The following TMEM196 variants were observed in gnomAD, a reference collection of about 807,000 sequenced individuals.
TMEM196 encodes the protein transmembrane protein 196.
TMEM196 carries 17 observed loss-of-function variants against 20.0 expected under a neutral mutation model. That is an observed-to-expected ratio of 0.85 (90% CI 0.58 to 1.27). TMEM196 has a LOEUF of 1.27. TMEM196 is among the 50% of genes most tolerant of loss of function. The probability of loss-of-function intolerance (pLI) is 0.00; values close to 1 mark genes in which losing one functional copy is unlikely to be tolerated. For missense variants in TMEM196, 267 were observed against 223.0 expected, an observed-to-expected ratio of 1.20 and a Z score of -1.26; for synonymous variants, 113 against 88.9, an observed-to-expected ratio of 1.27 and a Z score of -1.52.
rs892403514 is a variant in TMEM196, at chr7:19,725,502, T to A, written c.459+12A>T. The A allele has an allele frequency of 6.3e-7, 1 of 1,599,098 alleles. No individual in the cohort carries two copies. Among genetic ancestry groups the A allele is most frequent in the Admixed American group, 1.7e-5 (1 of 59,762 alleles). ...ATGTGCTAGCAGTGAGAGGAAAAGG[T>A]ACAAAACTCACTTTCTCAGCCATTT... On this transcript the variant is annotated intron_variant, in intron 3 of 4. Coordinates refer to ENST00000405844, the MANE Select transcript of TMEM196 (RefSeq NM_001363562.2).
At chr7:19,749,104 A>T (rs559526235) in intron 1 of TMEM196, among the ~76,000 whole-genome samples, 2 of 152,334 alleles carry the variant, frequency 1.3e-5, no homozygotes, top group South Asian at 2.1e-4. Context: ...AAACTTGTAA[A>T]AAATGATAGG....
chr7:19,744,896 A>G (rs971112556), intron 1 of TMEM196, among the ~76,000 whole-genome samples: 8 of 152,216 alleles, frequency 5.3e-5, no homozygotes, highest in Admixed American at 4.6e-4. Flanking sequence ...CAAAACAAAA[A>G]AAGCCAACAA....
chr7:19,759,925 G>A (rs1402884891), intron 1 of TMEM196, among the ~76,000 whole-genome samples: 1 of 152,076 alleles, frequency 6.6e-6, no homozygotes, highest in Non-Finnish European at 1.5e-5. Context: ...GACTTCCTGT[G>A]TGACATCAAT....
intron 1 of TMEM196, among the ~76,000 whole-genome samples, chr7:19,769,635 C>G (rs1265210694): frequency 6.6e-6 from 1 of 152,120 alleles, no homozygotes; most frequent in Non-Finnish European, 1.5e-5. Flanking sequence ...ACATTACAAT[C>G]AGCCCTTTAT....
intron 1 of TMEM196, among the ~76,000 whole-genome samples, chr7:19,731,158 C>CA: frequency 6.6e-6 from 1 of 151,766 alleles, no homozygotes; most frequent in African/African-American, 2.4e-5. Flanking sequence ...CACTCAAAGG[C>CA]AAAAAATGTT....
chr7:19,732,259 A>T (rs1443429289), intron 1 of TMEM196, among the ~76,000 whole-genome samples: 5 of 152,204 alleles, frequency 3.3e-5, no homozygotes, highest in Non-Finnish European at 7.3e-5. Flanking sequence ...TTAAGACTTT[A>T]TTAAGTGTCT....
chr7:19,749,668 C>G (rs1052416300), intron 1 of TMEM196, among the ~76,000 whole-genome samples: 6 of 152,030 alleles, frequency 3.9e-5, no homozygotes, highest in African/African-American at 1.4e-4. Context: ...AGAACAAGGC[C>G]TTTTGTAAGT....
chr7:19,739,398 G>A (rs1156922394), intron 1 of TMEM196, among the ~76,000 whole-genome samples: 1 of 152,058 alleles, frequency 6.6e-6, no homozygotes, highest in Non-Finnish European at 1.5e-5. Context: ...TTATAGATTT[G>A]TACAAATGAA....
rs1256308193 is a variant in TMEM196 at position 19,720,225 on chromosome 7, A to G, written c.*1903T>C. The G allele has an allele frequency of 6.6e-6, 1 of 152,046 alleles. No individual in the cohort carries two copies. Among genetic ancestry groups the G allele is most frequent in the Non-Finnish European group, 1.5e-5 (1 of 67,904 alleles). 9.4% of individuals were successfully genotyped at this position (152,046 alleles called of 1,614,324 possible). On this transcript the variant is annotated 3_prime_UTR_variant, in exon 5 of 5. Transcript: ENST00000405844. ...ATCTACTAGGCAATGAAGTTATCCA[A>G]AGGAATTGGGAGACTTCAAAAAGTG...
chr7:19,766,897 C>T (rs866182201), intron 1 of TMEM196, among the ~76,000 whole-genome samples: 1 of 151,968 alleles, frequency 6.6e-6, no homozygotes, highest in East Asian at 1.9e-4. Flanking sequence ...TAATCTGGCT[C>T]ATAATTAAGG....
At chr7:19,764,049 C>T (rs1185915412) in intron 1 of TMEM196, among the ~76,000 whole-genome samples, 1 of 152,168 alleles carries the variant, frequency 6.6e-6, no homozygotes, top group Non-Finnish European at 1.5e-5. Context: ...TTTTATATGC[C>T]AGCCAGCTGT....
chr7:19,725,808 C>T (rs1386008109), intron 2 of TMEM196, 40 bp from the exon 3 acceptor site: 1 of 1,547,752 alleles, frequency 6.5e-7, no homozygotes, highest in East Asian at 2.3e-5. Flanking sequence ...GTTGAAAAGG[C>T]AAACCTGACC....
intron 1 of TMEM196, among the ~76,000 whole-genome samples, chr7:19,751,698 T>G (rs980688822): frequency 6.6e-6 from 1 of 152,230 alleles, no homozygotes; most frequent in African/African-American, 2.4e-5. Context: ...TTTTATAACT[T>G]TTGAGCATCT....
chr7:19,747,387 A>G (rs1305609297), intron 1 of TMEM196, among the ~76,000 whole-genome samples: 1 of 152,172 alleles, frequency 6.6e-6, no homozygotes, highest in African/African-American at 2.4e-5. Context: ...ATATGTCATA[A>G]TTTTAATGAA....
chr7:19,728,850 C>T lies in TMEM196; in HGVS notation c.204+532G>A, dbSNP rs10247552. ...AGAAACCCACTATAGTACCATAAAA[C>T]ATCTGAAAACACTTATGTGTGCATT... On this transcript the variant is annotated intron_variant, in intron 2 of 4. Transcript: ENST00000405844. 2.2e-3 allele frequency among the ~76,000 whole-genome samples: 336 copies of T among 152,290 alleles called. 1 individual carries two copies. Among genetic ancestry groups the T allele is most frequent in the Middle Eastern group, 0.014 (4 of 294 alleles).
chr7:19,763,475 A>G (rs1032777177), intron 1 of TMEM196, among the ~76,000 whole-genome samples: 6 of 152,220 alleles, frequency 3.9e-5, no homozygotes, highest in East Asian at 1.9e-4. Flanking sequence ...ATACCTTGGT[A>G]TTCCAACATT....
chr7:19,769,123 T>C (rs1042409987), intron 1 of TMEM196, among the ~76,000 whole-genome samples: 1 of 152,168 alleles, frequency 6.6e-6, no homozygotes, highest in Non-Finnish European at 1.5e-5. Flanking sequence ...GAAAGGAGTT[T>C]TACAGCACTA....
At chr7:19,764,706 A>C (rs1224086573) in intron 1 of TMEM196, among the ~76,000 whole-genome samples, 1 of 152,166 alleles carries the variant, frequency 6.6e-6, no homozygotes, top group Non-Finnish European at 1.5e-5. Context: ...TTCATAATTC[A>C]ACACTAAGGC....
At chr7:19,730,032 G>T (rs150201023) in intron 1 of TMEM196, among the ~76,000 whole-genome samples, 1 of 152,056 alleles carries the variant, frequency 6.6e-6, no homozygotes, top group Non-Finnish European at 1.5e-5. Context: ...CATGGTGGAC[G>T]GATCACAAGG....
Sources: allele counts gnomAD v4.1 joint callset (sites outside exome capture counted in the v4.1 genomes callset), GRCh38; gene constraint gnomAD v4.1.1; transcripts MANE v1.5; gene names NCBI Gene and HGNC (gene_info 2026-07-23, HGNC 2026-07-21).